The following CELF2 variants were observed in gnomAD, a reference collection of about 807,000 sequenced individuals.
CELF2 encodes CUG triplet repeat RNA-binding protein 2.
In CELF2, 8 loss-of-function variants were observed where a neutral mutation model predicts 62.6. The ratio of observed to expected loss-of-function variants is 0.13; its 90% confidence interval spans 0.07 to 0.23. The LOEUF is 0.23. Among genes scored for constraint, CELF2 ranks in the 10% least tolerant of loss-of-function variants. The pLI, the probability that CELF2 is intolerant of heterozygous loss-of-function variation, is 1.00. For missense variants in CELF2, 333 were observed against 671.0 expected, an observed-to-expected ratio of 0.50 and a Z score of 5.56; for synonymous variants, 258 against 250.0, an observed-to-expected ratio of 1.03 and a Z score of -0.30.
At chr10:10,700,341 G>C in the CELF2 span, among the ~76,000 whole-genome samples, 8 of 152,310 alleles carry the variant, frequency 5.3e-5, no homozygotes, top group South Asian at 1.2e-3. Flanking sequence ...CTTCCTTTTG[G>C]GAGAATTGTT....
At chr10:10,725,943 T>C in the CELF2 span, among the ~76,000 whole-genome samples, 1 of 151,946 alleles carries the variant, frequency 6.6e-6, no homozygotes, top group Non-Finnish European at 1.5e-5. Flanking sequence ...TTTCCAGCAA[T>C]GATTATTTCT....
chr10:10,727,461 C>T, the CELF2 span, among the ~76,000 whole-genome samples: 3 of 152,290 alleles, frequency 2.0e-5, no homozygotes, highest in Middle Eastern at 3.4e-3. Context: ...CAACACAGAA[C>T]ATCTGCCCTT....
rs917922181 is a variant in CELF2 at position 11,296,181 on chromosome 10, C to T, written c.976+7629C>T. ...CTGCCACTCACCAAGCGCATTGTTC[C>T]TTGTTTTGAGTGGGCTTTTTAACAT... On this transcript the variant is annotated intron_variant, in intron 9 of 12. Transcript: ENST00000633077. The surrounding 1 kb of genome is among the most constrained non-coding windows in gnomAD (Gnocchi z 5.0). Among the ~76,000 whole-genome samples, 1 of 152,168 alleles carries T rather than the reference C, an allele frequency of 6.6e-6. No homozygotes were observed. The highest frequency in any genetic ancestry group is 2.1e-4 in the South Asian group (1 of 4,822).
intron 1 of CELF2, among the ~76,000 whole-genome samples, chr10:11,153,530 G>T (rs1489078136): frequency 6.6e-6 from 1 of 152,074 alleles, no homozygotes; most frequent in African/African-American, 2.4e-5. Flanking sequence ...CAGAGAACAT[G>T]CGCTTTGTGT....
At chr10:10,646,482 C>T in the CELF2 span, among the ~76,000 whole-genome samples, 1 of 152,178 alleles carries the variant, frequency 6.6e-6, no homozygotes, top group African/African-American at 2.4e-5. Flanking sequence ...TACTTTGCCC[C>T]CTCACTGCTT....
At chr10:10,953,515 T>C (rs1432332310) in intron 2 of CELF2, among the ~76,000 whole-genome samples, 2 of 152,228 alleles carry the variant, frequency 1.3e-5, no homozygotes, top group Non-Finnish European at 2.9e-5. Flanking sequence ...CTACACTTTC[T>C]TGTATATTGT....
At chr10:11,235,282 A>G (rs2070767289) in intron 3 of CELF2, among the ~76,000 whole-genome samples, 1 of 152,234 alleles carries the variant, frequency 6.6e-6, no homozygotes, top group Non-Finnish European at 1.5e-5. Flanking sequence ...AAGTGCTGTC[A>G]ATAAAGAGTT....
chr10:11,037,825 A>G (rs908230438), intron 1 of CELF2, among the ~76,000 whole-genome samples: 1 of 152,200 alleles, frequency 6.6e-6, no homozygotes, highest in African/African-American at 2.4e-5. Context: ...ATATGCTTCT[A>G]GTTCATGGTC....
chr10:11,147,079 A>G (rs769038877), intron 1 of CELF2, among the ~76,000 whole-genome samples: 1 of 152,202 alleles, frequency 6.6e-6, no homozygotes, highest in East Asian at 1.9e-4. Context: ...CTGTTTATTT[A>G]TCTGATCAAT....
At chr10:11,143,064 C>A (rs571984410) in intron 1 of CELF2, among the ~76,000 whole-genome samples, 25 of 151,472 alleles carry the variant, frequency 1.7e-4, no homozygotes, top group Middle Eastern at 3.4e-3. Flanking sequence ...GGACTCACTC[C>A]CCTCGTGATT....
Position 11,039,310 on chromosome 10 carries a change from A to G in CELF2, c.74+21147A>G, listed in dbSNP as rs1487918218. Among the ~76,000 whole-genome samples the G allele has an allele frequency of 1.3e-5, 2 of 152,192 alleles. No homozygotes were observed. The highest frequency in any genetic ancestry group is 2.9e-5 in the Non-Finnish European group (2 of 68,032). On this transcript the variant is annotated intron_variant, in intron 1 of 12. Transcript: ENST00000633077. This position sits in a 1 kb window ranked among gnomAD's most constrained non-coding sequence, Gnocchi z 4.1. ...GCTGAGATGAACTGGGCCAATTCTC[A>G]TGGGGCACCTCCCATGCCAGGATTT...
the CELF2 span, among the ~76,000 whole-genome samples, chr10:10,598,802 C>T: frequency 3.1e-5 from 4 of 130,202 alleles, no homozygotes; most frequent in East Asian, 2.2e-4. Flanking sequence ...CCTCTGTAGC[C>T]AGGCTGGAGT....
At chr10:11,020,423 G>A (rs2058120645) in intron 1 of CELF2, among the ~76,000 whole-genome samples, 5 of 152,216 alleles carry the variant, frequency 3.3e-5, no homozygotes, top group Non-Finnish European at 7.3e-5. Context: ...TCTGGGGATA[G>A]AGGTGTGTGG....
At chr10:10,929,294 G>A (rs144335995) in intron 2 of CELF2, among the ~76,000 whole-genome samples, 83 of 152,196 alleles carry the variant, frequency 5.5e-4, no homozygotes, top group Non-Finnish European at 9.4e-4. Flanking sequence ...TATTATCTCT[G>A]CCTCAGTTTT....
At chr10:10,883,386 T>C (rs915701814) in intron 1 of CELF2, among the ~76,000 whole-genome samples, 1 of 152,234 alleles carries the variant, frequency 6.6e-6, no homozygotes, top group Non-Finnish European at 1.5e-5. Context: ...AAATTTTCTA[T>C]CCTGTATAAG....
chr10:10,534,943 T>A, the CELF2 span, among the ~76,000 whole-genome samples: 1 of 152,206 alleles, frequency 6.6e-6, no homozygotes, highest in Non-Finnish European at 1.5e-5. Flanking sequence ...TATAATGAAC[T>A]AATTAGATTA....
At chr10:11,284,109 C>G (rs111171594) in intron 8 of CELF2, among the ~76,000 whole-genome samples, 29 of 7,102 alleles carry the variant, frequency 4.1e-3, no homozygotes, top group East Asian at 0.02. Context: ...TGATGGATGA[C>G]TGTGTGGTAG....
chr10:11,049,122 TAA>T (rs11406502), intron 1 of CELF2, among the ~76,000 whole-genome samples: 20 of 143,106 alleles, frequency 1.4e-4, no homozygotes, highest in African/African-American at 4.1e-4. Context: ...ACTGTTCTGT[TAA>T]AAAAAAAAAA....
At chr10:10,484,720 C>A in the CELF2 span, among the ~76,000 whole-genome samples, 2 of 151,990 alleles carry the variant, frequency 1.3e-5, no homozygotes, top group East Asian at 3.9e-4. Context: ...TTTTAATAAC[C>A]AAAAATGTTA....
Sources: gnomAD v4.1 joint callset for allele counts (sites outside exome capture counted in the v4.1 genomes callset) on GRCh38, gnomAD v4.1.1 for gene constraint, Gnocchi (gnomAD v3.1) non-coding constraint, MANE v1.5 for transcripts, NCBI Gene and HGNC (gene_info 2026-07-23, HGNC 2026-07-21) for gene names.